Variants in ANO3 observed in about 807,000 individuals in gnomAD.
ANO3 encodes the protein anoctamin 3.
Under a neutral mutation model 144.8 loss-of-function variants are expected in ANO3, and 99 were observed. That is an observed-to-expected ratio of 0.68 (90% CI 0.58 to 0.81). The LOEUF (loss-of-function observed/expected upper bound fraction) is 0.81, where lower values mean the gene tolerates loss of function less well. ANO3 is among the 30% of genes least tolerant of loss of function. The pLI, the probability that ANO3 is intolerant of heterozygous loss-of-function variation, is 0.00. For missense variants in ANO3, 905 were observed against 1,202.2 expected, an observed-to-expected ratio of 0.75 and a Z score of 3.66; for synonymous variants, 414 against 392.6, an observed-to-expected ratio of 1.05 and a Z score of -0.64.
At chr11:26,343,936 A>G (rs978821155) in intron 1 of ANO3, among the ~76,000 whole-genome samples, 37 of 152,336 alleles carry the variant, frequency 2.4e-4, no homozygotes, top group Admixed American at 5.9e-4. Context: ...ACATTCTAAC[A>G]TGATTCCTAC....
intron 1 of ANO3, among the ~76,000 whole-genome samples, chr11:26,373,128 A>G (rs1457577379): frequency 6.6e-6 from 1 of 152,150 alleles, no homozygotes; most frequent in African/African-American, 2.4e-5. Context: ...ATAAATGTAA[A>G]TGATGCTTTT....
chr11:26,597,158 G>A (rs562000639), intron 14 of ANO3, among the ~76,000 whole-genome samples: 7 of 152,142 alleles, frequency 4.6e-5, no homozygotes, highest in African/African-American at 7.2e-5. Flanking sequence ...AAATGTTACC[G>A]GCGGGTCTTT....
chr11:26,473,846 T>C (rs1028761266), intron 4 of ANO3: 2 of 872,382 alleles, frequency 2.3e-6, no homozygotes, highest in Admixed American at 6.2e-5. Flanking sequence ...ACTCCTAAAA[T>C]GAAATTAATA....
chr11:26,561,096 T>C, intron 14 of ANO3: 1 of 1,611,976 alleles, frequency 6.2e-7, no homozygotes, highest in Non-Finnish European at 8.5e-7. Flanking sequence ...AGGTATGTCA[T>C]CCATAGGAAT....
rs1169601167 is a variant in ANO3, at chr11:26,534,510, A to C, written c.924A>C (p.Ile308=). 6.2e-7 allele frequency: 1 copy of C among 1,613,302 alleles called. No individual in the cohort carries two copies. Among genetic ancestry groups the C allele is most frequent in the Admixed American group, 1.7e-5 (1 of 59,974 alleles). The change falls in exon 9 of 27, where the codon ATA becomes ATC. Residue 308 remains isoleucine, a synonymous_variant. Coordinates refer to ENST00000256737, the MANE Select transcript of ANO3 (RefSeq NM_031418.4). The stretch of plus-strand genomic sequence containing the variant: ...TCAGCAATGCTACTCGAAGCAGAAT[A>C]GTCTATCACATGCTGGAACGCACCA... ...TFFSNATRSR[I]VYHMLERTKY...
At chr11:26,523,247 A>C (rs1330103006) in intron 6 of ANO3, among the ~76,000 whole-genome samples, 1 of 152,206 alleles carries the variant, frequency 6.6e-6, no homozygotes, top group Non-Finnish European at 1.5e-5. Flanking sequence ...TGGGGATTAC[A>C]CTTCGAGATG....
chr11:26,414,171 C>A (rs898121400), intron 1 of ANO3, among the ~76,000 whole-genome samples: 1 of 151,982 alleles, frequency 6.6e-6, no homozygotes, highest in Non-Finnish European at 1.5e-5. Flanking sequence ...CCATTGTGGA[C>A]GATGGTGTGG....
At chr11:26,365,581 C>T (rs576167707) in intron 1 of ANO3, among the ~76,000 whole-genome samples, 18 of 152,368 alleles carry the variant, frequency 1.2e-4, no homozygotes, top group African/African-American at 4.1e-4. Flanking sequence ...TTATACTCTG[C>T]ATGCCTACAG....
chr11:26,372,397 A>G (rs1169473703), intron 1 of ANO3, among the ~76,000 whole-genome samples: 3 of 152,222 alleles, frequency 2.0e-5, no homozygotes, highest in Admixed American at 2.0e-4. Context: ...TTACCAGCAG[A>G]GAATGGACTA....
At chr11:26,439,097 T>G (rs1339808025) in intron 1 of ANO3, among the ~76,000 whole-genome samples, 1 of 152,186 alleles carries the variant, frequency 6.6e-6, no homozygotes, top group East Asian at 1.9e-4. Context: ...TTCAACAACT[T>G]GTATGGGAAC....
In ANO3 at chr11:26,544,271, T is replaced by TACACACAC. The variant is rs1269843589; in HGVS notation, c.1154+2204_1154+2205insCACACACA. ...TTATACATATATATATATATATATATATACACACATACACACACACACACA... is the reference window on the plus strand; with the variant it reads ...TTATACATATATATATATATATATATACACACACATACACACATACACACACACACACA... On this transcript the variant is annotated intron_variant, in intron 11 of 26. Coordinates refer to ENST00000256737, the MANE Select transcript of ANO3 (RefSeq NM_031418.4). 3.5e-3 allele frequency among the ~76,000 whole-genome samples: 261 copies of TACACACAC among 74,698 alleles called. 5 individuals carry two copies. The highest frequency in any genetic ancestry group is 5.3e-3 in the Non-Finnish European group (194 of 36,906). 49.0% of individuals were successfully genotyped at this position (74,698 alleles called of 152,430 possible). A position where few individuals can be genotyped will look rare whatever the true frequency, so the allele number is the denominator to read the frequency against.
intron 1 of ANO3, among the ~76,000 whole-genome samples, chr11:26,221,653 T>A (rs989907676): frequency 5.3e-5 from 8 of 152,198 alleles, no homozygotes; most frequent in African/African-American, 1.9e-4. Flanking sequence ...ACAAGAAGTA[T>A]GGCATTGGCA....
intron 1 of ANO3, among the ~76,000 whole-genome samples, chr11:26,211,160 T>G (rs1201955084): frequency 1.3e-5 from 2 of 152,106 alleles, no homozygotes; most frequent in African/African-American, 4.8e-5. Context: ...AAACAGTCTC[T>G]TAGAACACAG....
chr11:26,579,162 C>A (rs1429286946), intron 14 of ANO3, among the ~76,000 whole-genome samples: 1 of 152,130 alleles, frequency 6.6e-6, no homozygotes, highest in Admixed American at 6.6e-5. Context: ...AGGAAAAGAT[C>A]CACATGATTT....
At chr11:26,647,285 A>T (rs1181378092) in intron 23 of ANO3, among the ~76,000 whole-genome samples, 6 of 152,216 alleles carry the variant, frequency 3.9e-5, no homozygotes, top group African/African-American at 2.4e-5. Context: ...TTACTTTAAA[A>T]AGACATTTGA....
Position 26,660,762 on chromosome 11 carries a change from G to A in ANO3, c.*318G>A. 1 of 240,848 alleles carries A rather than the reference G, an allele frequency of 4.2e-6. No homozygotes were observed. The highest frequency in any genetic ancestry group is 7.9e-6 in the Non-Finnish European group (1 of 127,302). The allele number at this position is 240,848 out of a possible 1,614,324, so 14.9% of individuals were successfully genotyped here. On this transcript the variant is annotated 3_prime_UTR_variant, in exon 27 of 27. Coordinates refer to ENST00000256737, the MANE Select transcript of ANO3 (RefSeq NM_031418.4). ...ACTGCAGTGTAATGGGAAAGAGGGT[G>A]GTGAGGTTTTGAAAGACAGATTTCC...
chr11:26,647,601 A>G lies in ANO3; in HGVS notation c.2429-108A>G, dbSNP rs1024398837. 5.0e-6 allele frequency: 5 copies of G among 992,066 alleles called. No individual in the cohort carries two copies. In the African/African-American group the frequency reaches 8.1e-5, roughly 16 times the overall value. 61.5% of individuals were successfully genotyped at this position (992,066 alleles called of 1,614,324 possible). The stretch of plus-strand genomic sequence containing the variant: ...TATAATAAGAAAGCACATAGTGGAC[A>G]GAGCTGTGGTTCCAACATAAGTAAA... On this transcript the variant is annotated intron_variant, in intron 23 of 26. Coordinates refer to ENST00000256737, the MANE Select transcript of ANO3 (RefSeq NM_031418.4).
intron 23 of ANO3, among the ~76,000 whole-genome samples, chr11:26,646,829 T>C (rs1386071834): frequency 6.6e-6 from 1 of 152,168 alleles, no homozygotes; most frequent in African/African-American, 2.4e-5. Context: ...TTGTGACTTT[T>C]GTACAAATAA....
chr11:26,485,772 A>C (rs1380627396), intron 4 of ANO3, among the ~76,000 whole-genome samples: 1 of 152,344 alleles, frequency 6.6e-6, no homozygotes, highest in African/African-American at 2.4e-5. Context: ...CTAGGGAAAA[A>C]TCTTCTTGAC....
Sources: gnomAD v4.1 joint callset for allele counts (sites outside exome capture counted in the v4.1 genomes callset) on GRCh38, gnomAD v4.1.1 for gene constraint, MANE v1.5 for transcripts, NCBI Gene and HGNC (gene_info 2026-07-23, HGNC 2026-07-21) for gene names.